SPTLC3: variants seen among roughly 807,000 people sequenced by gnomAD.
SPTLC3 encodes serine palmitoyltransferase long chain base subunit 3.
A neutral mutation model predicts 59.3 loss-of-function variants in SPTLC3; 36 were observed. The ratio of observed to expected loss-of-function variants is 0.61; its 90% CI spans 0.47 to 0.80. The LOEUF (loss-of-function observed/expected upper bound fraction) is 0.80. SPTLC3 is among the 30% of genes least tolerant of loss of function. The pLI is 0.00. For synonymous variants in SPTLC3, 257 were observed against 240.8 expected, an observed-to-expected ratio of 1.07 and a Z score of -0.62; for missense variants, 625 against 685.1, an observed-to-expected ratio of 0.91 and a Z score of 0.98.
intron 9 of SPTLC3, among the ~76,000 whole-genome samples, chr20:13,127,941 C>A (rs999022798): frequency 1.3e-5 from 2 of 152,140 alleles, no homozygotes; most frequent in African/African-American, 4.8e-5. Flanking sequence ...CTGAAGGTAG[C>A]TGCCTGAATC....
At chr20:13,059,325 C>A (rs879583385) in intron 2 of SPTLC3, among the ~76,000 whole-genome samples, 1 of 152,162 alleles carries the variant, frequency 6.6e-6, no homozygotes, top group Non-Finnish European at 1.5e-5. Context: ...TCGCTAGTAT[C>A]GCCTGAGAGC....
intron 3 of SPTLC3, chr20:13,073,880 A>G: frequency 1.8e-6 from 1 of 544,140 alleles, no homozygotes. Context: ...AATTCTTTAT[A>G]GGACGGTCCT....
chr20:13,030,984 G>T (rs1986415243), intron 1 of SPTLC3, among the ~76,000 whole-genome samples: 1 of 152,032 alleles, frequency 6.6e-6, no homozygotes, highest in African/African-American at 2.4e-5. Flanking sequence ...TCCAGACCAA[G>T]GGTTGGCAGC....
rs1440249586 is a variant in SPTLC3, at chr20:13,053,019, T to TC, written c.303+3892dup. Among the ~76,000 whole-genome samples, 5 of 152,230 alleles carry TC rather than the reference T, an allele frequency of 3.3e-5. No individual in the cohort carries two copies. The East Asian group carries it at 7.8e-4, about 24-fold the overall frequency. ...CTGGCTCTGAAGAGAGCAGCATATC[T>TC]CCCAGCACAGCACTCGAGCTCTGCT... On this transcript the variant is annotated intron_variant, in intron 2 of 11. Transcript: ENST00000399002.
intron 3 of SPTLC3, 194 bp from the exon 4 acceptor site, chr20:13,074,155 G>A: frequency 1.3e-6 from 1 of 790,322 alleles, no homozygotes; most frequent in South Asian, 1.4e-5. Context: ...GATCCTCCGA[G>A]GGAAACCAAC....
intron 3 of SPTLC3, chr20:13,074,140 G>A (rs561739997): frequency 5.3e-5 from 39 of 735,240 alleles, no homozygotes; most frequent in Middle Eastern, 4.9e-4. Context: ...GGCTGAGGGG[G>A]TCTGGATCCT....
At chr20:13,081,549 T>G (rs1346482048) in intron 4 of SPTLC3, among the ~76,000 whole-genome samples, 1 of 152,212 alleles carries the variant, frequency 6.6e-6, no homozygotes, top group East Asian at 1.9e-4. Context: ...AATATATTCT[T>G]ATGGCCTTTT....
chr20:13,118,918 C>G (rs568716525), intron 8 of SPTLC3, among the ~76,000 whole-genome samples: 2 of 152,340 alleles, frequency 1.3e-5, no homozygotes, highest in South Asian at 4.1e-4. Context: ...TTTTAAGTGG[C>G]CTTTACCCTT....
At chr20:13,088,545 G>A (rs542395273) in intron 4 of SPTLC3, among the ~76,000 whole-genome samples, 5 of 151,878 alleles carry the variant, frequency 3.3e-5, no homozygotes, top group African/African-American at 4.8e-5. Context: ...GGATGGTCTC[G>A]ATCTCCTGAC....
intron 7 of SPTLC3, among the ~76,000 whole-genome samples, chr20:13,112,916 C>T (rs1990317705): frequency 1.3e-5 from 2 of 152,212 alleles, no homozygotes; most frequent in South Asian, 4.1e-4. Flanking sequence ...GGTGCAGTGG[C>T]TCATGCCTGT....
chr20:13,037,376 G>A (rs1346751004), intron 1 of SPTLC3, among the ~76,000 whole-genome samples: 1 of 152,148 alleles, frequency 6.6e-6, no homozygotes, highest in Non-Finnish European at 1.5e-5. Flanking sequence ...TAAAGAATAT[G>A]ACCATAAGGT....
intron 6 of SPTLC3, among the ~76,000 whole-genome samples, chr20:13,105,906 A>G (rs1168646476): frequency 2.6e-5 from 4 of 152,350 alleles, no homozygotes; most frequent in Admixed American, 2.6e-4. Context: ...TGGTTCTCCA[A>G]GTCGCAAGGT....
intron 1 of SPTLC3, among the ~76,000 whole-genome samples, chr20:13,010,393 G>A (rs967960296): frequency 1.3e-5 from 2 of 152,192 alleles, no homozygotes; most frequent in African/African-American, 2.4e-5. Context: ...AGGTGGGTCT[G>A]GCTGGGGCCA....
At chr20:13,090,019 T>A (rs1280261896) in intron 4 of SPTLC3, among the ~76,000 whole-genome samples, 1 of 152,162 alleles carries the variant, frequency 6.6e-6, no homozygotes, top group African/African-American at 2.4e-5. Flanking sequence ...TAAAATAAAA[T>A]TTGAAATTCA....
At chr20:13,031,438 C>A (rs1402052325) in intron 1 of SPTLC3, among the ~76,000 whole-genome samples, 3 of 152,182 alleles carry the variant, frequency 2.0e-5, no homozygotes, top group Non-Finnish European at 4.4e-5. Context: ...CTGAACCTAG[C>A]ACACTAGCTG....
At chr20:13,074,905 A>G (rs1349070229) in intron 4 of SPTLC3, among the ~76,000 whole-genome samples, 1 of 152,216 alleles carries the variant, frequency 6.6e-6, no homozygotes, top group African/African-American at 2.4e-5. Flanking sequence ...GACTTGTGGA[A>G]TGTTGCACTG....
intron 2 of SPTLC3, among the ~76,000 whole-genome samples, chr20:13,064,444 C>T (rs1988114886): frequency 6.6e-6 from 1 of 152,090 alleles, no homozygotes; most frequent in African/African-American, 2.4e-5. Flanking sequence ...CAGGCATGCG[C>T]GCCACCGCGC....
At chr20:13,062,777 A>G (rs1449639528) in intron 2 of SPTLC3, among the ~76,000 whole-genome samples, 3 of 152,134 alleles carry the variant, frequency 2.0e-5, no homozygotes, top group Non-Finnish European at 2.9e-5. Flanking sequence ...GAAGATATTT[A>G]TATGCCAATA....
chr20:13,061,191 A>C (rs1987958167), intron 2 of SPTLC3, among the ~76,000 whole-genome samples: 1 of 152,156 alleles, frequency 6.6e-6, no homozygotes, highest in Non-Finnish European at 1.5e-5. Flanking sequence ...GACTCAGGGA[A>C]GAGACATGGG....
Sources: gnomAD v4.1 joint callset for allele counts (sites outside exome capture counted in the v4.1 genomes callset) on GRCh38, gnomAD v4.1.1 for gene constraint, MANE v1.5 for transcripts, NCBI Gene and HGNC (gene_info 2026-07-23, HGNC 2026-07-21) for gene names.